Variants in FMNL2 observed in about 807,000 individuals in gnomAD.
FMNL2 encodes formin-like protein 2.
In FMNL2, 51 loss-of-function variants were observed where a neutral mutation model predicts 130.2. That is an observed-to-expected ratio of 0.39 (90% CI 0.31 to 0.49). FMNL2 has a LOEUF of 0.49. Among genes scored for constraint, FMNL2 ranks in the 20% least tolerant of loss-of-function variants. FMNL2 has a pLI of 0.85. For synonymous variants in FMNL2, 465 were observed against 467.1 expected, an observed-to-expected ratio of 1.00 and a Z score of 0.06; for missense variants, 977 against 1,316.2, an observed-to-expected ratio of 0.74 and a Z score of 3.99.
chr2:152,372,973 G>A (rs562791774), intron 1 of FMNL2, among the ~76,000 whole-genome samples: 2 of 152,254 alleles, frequency 1.3e-5, no homozygotes, highest in South Asian at 4.2e-4. Context: ...GTTAGGTGGG[G>A]CATATAAGGG....
intron 1 of FMNL2, among the ~76,000 whole-genome samples, chr2:152,463,862 A>G (rs911765526): frequency 1.3e-5 from 2 of 151,974 alleles, no homozygotes; most frequent in African/African-American, 4.8e-5. Flanking sequence ...TCCCATTTGG[A>G]GAAAAACACT....
chr2:152,632,658 A>G (rs929495696), intron 21 of FMNL2, among the ~76,000 whole-genome samples: 9 of 152,146 alleles, frequency 5.9e-5, no homozygotes, highest in African/African-American at 2.2e-4. Flanking sequence ...TAGTATCTCC[A>G]TTATTATAGG....
intron 1 of FMNL2, among the ~76,000 whole-genome samples, chr2:152,481,071 A>T (rs376445673): frequency 3.9e-5 from 6 of 152,366 alleles, no homozygotes; most frequent in African/African-American, 1.4e-4. Flanking sequence ...GCTTGTGCAT[A>T]GTCATTCTGC....
At chr2:152,362,102 G>A (rs1254484943) in intron 1 of FMNL2, among the ~76,000 whole-genome samples, 1 of 152,114 alleles carries the variant, frequency 6.6e-6, no homozygotes, top group Non-Finnish European at 1.5e-5. Flanking sequence ...TTAGCTACAT[G>A]CATCCACATC....
At chr2:152,560,797 T>G in intron 5 of FMNL2, 86 bp from the exon 6 acceptor site, 1 of 1,296,580 alleles carries the variant, frequency 7.7e-7, no homozygotes, top group Non-Finnish European at 1.0e-6. Flanking sequence ...TGCAGATGTC[T>G]TGTAGGAACA....
chr2:152,394,721 GTTTT>G (rs11407117), intron 1 of FMNL2, among the ~76,000 whole-genome samples: 31 of 143,684 alleles, frequency 2.2e-4, no homozygotes, highest in South Asian at 4.3e-4. Flanking sequence ...TAACTGTTGG[GTTTT>G]TTTTTTTTTT....
Position 152,389,864 on chromosome 2 carries a change from A to G in FMNL2, c.117+54144A>G, listed in dbSNP as rs894220822. The G allele has an allele frequency of 6.1e-5, 64 of 1,049,858 alleles. No homozygotes were observed. The Admixed American group carries it at 7.4e-4, about 12-fold the overall frequency. 65.0% of individuals were successfully genotyped at this position (1,049,858 alleles called of 1,614,324 possible). A position where few individuals can be genotyped will look rare whatever the true frequency, so the allele number is the denominator to read the frequency against. On this transcript the variant is annotated intron_variant, in intron 1 of 25. Coordinates refer to ENST00000288670, the MANE Select transcript of FMNL2 (RefSeq NM_052905.4). ...ATCATACAGACTTTCAGCCACGACA[A>G]TCAGCTGGCACAGAAGGCCCGGTGG...
intron 1 of FMNL2, among the ~76,000 whole-genome samples, chr2:152,461,031 C>T (rs1299013024): frequency 2.0e-5 from 3 of 152,140 alleles, no homozygotes; most frequent in Non-Finnish European, 2.9e-5. Context: ...TCCACGAAAC[C>T]GGTCCCTGGT....
At chr2:152,465,136 A>G (rs1689457938) in intron 1 of FMNL2, among the ~76,000 whole-genome samples, 1 of 152,218 alleles carries the variant, frequency 6.6e-6, no homozygotes, top group Non-Finnish European at 1.5e-5. Context: ...CTACCAGCAA[A>G]GTCGGAGAGG....
rs150257262 is a variant in FMNL2, at chr2:152,543,554, C to T, written c.282+735C>T. On this transcript the variant is annotated intron_variant, in intron 3 of 25. Coordinates refer to ENST00000288670, the MANE Select transcript of FMNL2 (RefSeq NM_052905.4). ...ACAACTCCTGCTTTTAAGGCTCCTG[C>T]GAAAATCTCTCAGGCTGATTCTCTC... Among the ~76,000 whole-genome samples the T allele has an allele frequency of 8.0e-3, 1,219 of 151,954 alleles. 20 individuals are homozygous for T. Among genetic ancestry groups the T allele is most frequent in the African/African-American group, 0.028 (1,170 of 41,442 alleles).
intron 1 of FMNL2, among the ~76,000 whole-genome samples, chr2:152,337,318 T>A (rs1681529777): frequency 6.6e-6 from 1 of 152,090 alleles, no homozygotes; most frequent in Non-Finnish European, 1.5e-5. Flanking sequence ...GACATATGGT[T>A]CTTACCTCCT....
chr2:152,598,639 A>G (rs6761708), intron 9 of FMNL2, among the ~76,000 whole-genome samples: 1 of 114,328 alleles, frequency 8.7e-6, no homozygotes, highest in Admixed American at 9.1e-5. Context: ...GCAATGAGCC[A>G]AGATTGCGCC....
At chr2:152,618,560 C>A (rs749310330) in intron 13 of FMNL2, among the ~76,000 whole-genome samples, 1 of 152,164 alleles carries the variant, frequency 6.6e-6, no homozygotes, top group African/African-American at 2.4e-5. Context: ...AGTCAGCATT[C>A]CGGGTCATTT....
intron 1 of FMNL2, among the ~76,000 whole-genome samples, chr2:152,517,583 T>C (rs1014104860): frequency 1.2e-4 from 18 of 152,160 alleles, no homozygotes; most frequent in African/African-American, 4.3e-4. Context: ...GTTCTAATGA[T>C]AAATGACATT....
intron 1 of FMNL2, among the ~76,000 whole-genome samples, chr2:152,511,537 T>G (rs1395092355): frequency 2.0e-5 from 3 of 152,178 alleles, no homozygotes; most frequent in African/African-American, 7.2e-5. Flanking sequence ...AGCATAATCT[T>G]TCTCTTGTTA....
chr2:152,642,175 C>T (rs968308708), intron 25 of FMNL2, among the ~76,000 whole-genome samples: 1 of 152,150 alleles, frequency 6.6e-6, no homozygotes, highest in Admixed American at 6.5e-5. Context: ...CTCCTGACCT[C>T]GTGATCTGCC....
At chr2:152,451,311 G>A (rs1271393927) in intron 1 of FMNL2, among the ~76,000 whole-genome samples, 3 of 151,990 alleles carry the variant, frequency 2.0e-5, no homozygotes, top group African/African-American at 7.3e-5. Context: ...ACTATGCCCG[G>A]CTAATTTTTT....
At position 152,640,959 on chromosome 2, in the gene FMNL2, C is replaced by T. The variant is rs778463607; in HGVS notation, c.3169+45C>T. 4 of 1,607,954 alleles carry T rather than the reference C, an allele frequency of 2.5e-6. No homozygotes were observed. In the East Asian group the frequency reaches 6.7e-5, roughly 27 times the overall value. ...TGTGGCCCATGGAGATCCCACTGGC[C>T]TCACCTAGACTGGGATGCATGCAGA... On this transcript the variant is annotated intron_variant, in intron 25 of 25. Transcript: ENST00000288670.
chr2:152,459,925 C>A (rs1016516440), intron 1 of FMNL2, among the ~76,000 whole-genome samples: 1 of 152,118 alleles, frequency 6.6e-6, no homozygotes, highest in African/African-American at 2.4e-5. Context: ...TTAGAAATCA[C>A]CAAAATTTTC....
Sources: allele counts gnomAD v4.1 joint callset (sites outside exome capture counted in the v4.1 genomes callset), GRCh38; gene constraint gnomAD v4.1.1; transcripts MANE v1.5; gene names NCBI Gene and HGNC (gene_info 2026-07-23, HGNC 2026-07-21).